VDAC1: variants seen among roughly 807,000 people sequenced by gnomAD.
VDAC1 encodes the protein voltage dependent anion channel 1.
A neutral mutation model predicts 34.7 loss-of-function variants in VDAC1; 10 were observed. The observed-to-expected ratio is 0.29, with a 90% confidence interval of 0.18 to 0.49. The LOEUF (loss-of-function observed/expected upper bound fraction) is 0.49, where lower values mean the gene tolerates loss of function less well. VDAC1 is among the 20% of genes least tolerant of loss of function. VDAC1 has a pLI of 0.99. For missense variants in VDAC1, 230 were observed against 347.9 expected (o/e 0.66, Z 2.69); for synonymous variants, 130 against 136.0 (o/e 0.96, Z 0.30).
chr5:134,011,542 A>C, the VDAC1 span, among the ~76,000 whole-genome samples: 2 of 151,944 alleles, frequency 1.3e-5, no homozygotes, highest in Admixed American at 1.3e-4. Flanking sequence ...TGTACATTTA[A>C]GTGAGATCAT....
intron 1 of VDAC1, among the ~76,000 whole-genome samples, chr5:134,000,081 A>C (rs1753483943): frequency 1.3e-5 from 2 of 152,142 alleles, no homozygotes; most frequent in South Asian, 4.1e-4. Context: ...ATGGGGGCGA[A>C]CACAATCAGC....
chr5:134,001,731 AAAAAG>A (rs1753564794), intron 1 of VDAC1, among the ~76,000 whole-genome samples: 2 of 151,260 alleles, frequency 1.3e-5, no homozygotes, highest in East Asian at 1.9e-4. Flanking sequence ...AAAAAAAAAA[AAAAAG>A]AGAGAGAGAA....
At chr5:134,108,760 C>T in the VDAC1 span, among the ~76,000 whole-genome samples, 1 of 152,236 alleles carries the variant, frequency 6.6e-6, no homozygotes, top group South Asian at 2.1e-4. Flanking sequence ...AGGTGCCATT[C>T]TAGGCAAGGT....
the VDAC1 span, among the ~76,000 whole-genome samples, chr5:134,074,788 C>G: frequency 6.6e-6 from 1 of 152,028 alleles, no homozygotes; most frequent in South Asian, 2.1e-4. Context: ...GGATCATGTA[C>G]TGATGCAGGG....
the VDAC1 span, among the ~76,000 whole-genome samples, chr5:134,023,426 G>A: frequency 2.4e-4 from 35 of 146,578 alleles, no homozygotes; most frequent in Non-Finnish European, 4.3e-4. Flanking sequence ...CATGGCACAC[G>A]TATACCTATG....
the VDAC1 span, among the ~76,000 whole-genome samples, chr5:134,106,099 G>A: frequency 2.6e-5 from 4 of 152,128 alleles, no homozygotes; most frequent in African/African-American, 7.2e-5. Flanking sequence ...GGAGAGCCCC[G>A]GTCCTGGAGA....
chr5:133,993,301 T>A (rs1300914457), intron 1 of VDAC1, among the ~76,000 whole-genome samples: 1 of 152,078 alleles, frequency 6.6e-6, no homozygotes, highest in Non-Finnish European at 1.5e-5. Context: ...CAGAACAGAG[T>A]AGGAGTCAGG....
Position 133,992,369 on chromosome 5 carries a change from A to T in VDAC1, c.68-14T>A, listed in dbSNP as rs1460532525. 10 of 1,560,980 alleles carry T rather than the reference A, an allele frequency of 6.4e-6. No homozygotes were observed. Among genetic ancestry groups the T allele is most frequent in the East Asian group, 2.4e-5 (1 of 42,326 alleles). The stretch of plus-strand genomic sequence containing the variant: ...TTAAGCCAAATCCTAAAGAAAGAAG[A>T]AGACAACTGTCAATAGGTTAAATAA... On this transcript the variant is annotated splice_polypyrimidine_tract_variant and intron_variant, in intron 2 of 8. Coordinates refer to ENST00000265333, the MANE Select transcript of VDAC1 (RefSeq NM_003374.3).
At chr5:134,054,746 C>G in the VDAC1 span, among the ~76,000 whole-genome samples, 1 of 152,184 alleles carries the variant, frequency 6.6e-6, no homozygotes, top group African/African-American at 2.4e-5. Flanking sequence ...CAGGTGTGAG[C>G]CACCTCGCCC....
the VDAC1 span, among the ~76,000 whole-genome samples, chr5:134,014,415 G>A: frequency 2.0e-5 from 3 of 152,168 alleles, no homozygotes; most frequent in Admixed American, 6.5e-5. Context: ...GTCAGAATGG[G>A]TATTATTAAA....
the VDAC1 span, among the ~76,000 whole-genome samples, chr5:134,055,003 A>G: frequency 0.2 from 30,696 of 152,126 alleles, 5,123 homozygotes; most frequent in African/African-American, 0.46. Context: ...GTTCAGTCAT[A>G]TGTCGATCAC....
chr5:134,035,187 G>C, the VDAC1 span, among the ~76,000 whole-genome samples: 1 of 152,116 alleles, frequency 6.6e-6, no homozygotes, highest in Non-Finnish European at 1.5e-5. Flanking sequence ...CACATCTTGC[G>C]GTCCTGGGAA....
chr5:134,097,289 A>C, the VDAC1 span, among the ~76,000 whole-genome samples: 1 of 152,238 alleles, frequency 6.6e-6, no homozygotes, highest in Non-Finnish European at 1.5e-5. Context: ...AAAACTCCTC[A>C]CTAAATAATC....
At chr5:134,020,553 C>T in the VDAC1 span, among the ~76,000 whole-genome samples, 33 of 152,190 alleles carry the variant, frequency 2.2e-4, no homozygotes, top group African/African-American at 8.0e-4. Flanking sequence ...CAGTGTCATC[C>T]TGCCCAGTCA....
the VDAC1 span, among the ~76,000 whole-genome samples, chr5:134,082,584 T>A: frequency 6.6e-6 from 1 of 152,372 alleles, no homozygotes; most frequent in South Asian, 2.1e-4. Context: ...GGTGAATATC[T>A]AGGAGTAGAA....
the VDAC1 span, among the ~76,000 whole-genome samples, chr5:134,093,582 T>A: frequency 6.6e-6 from 1 of 152,240 alleles, no homozygotes; most frequent in African/African-American, 2.4e-5. Flanking sequence ...TGGCTGGTGA[T>A]GTCTTTCCAC....
chr5:134,063,894 A>C, the VDAC1 span, among the ~76,000 whole-genome samples: 1 of 151,996 alleles, frequency 6.6e-6, no homozygotes, highest in African/African-American at 2.4e-5. Flanking sequence ...GTGCAGTAGC[A>C]CAATTAGAGC....
At chr5:134,102,209 G>T in the VDAC1 span, among the ~76,000 whole-genome samples, 1 of 152,110 alleles carries the variant, frequency 6.6e-6, no homozygotes, top group South Asian at 2.1e-4. Flanking sequence ...GGGGGACTCT[G>T]GGCCTCGCCT....
chr5:134,053,412 G>C, the VDAC1 span, among the ~76,000 whole-genome samples: 2 of 152,194 alleles, frequency 1.3e-5, no homozygotes, highest in South Asian at 4.1e-4. Flanking sequence ...AGTTTGCTGT[G>C]GGTCAATGGA....
Sources: gnomAD v4.1 joint callset for allele counts (sites outside exome capture counted in the v4.1 genomes callset) on GRCh38, gnomAD v4.1.1 for gene constraint, MANE v1.5 for transcripts, NCBI Gene and HGNC (gene_info 2026-07-23, HGNC 2026-07-21) for gene names.